ST6GALNAC3: variants seen among roughly 807,000 people sequenced by gnomAD.
ST6GALNAC3 encodes alpha-N-acetylgalactosaminide alpha-2,6-sialyltransferase 3.
ST6GALNAC3 carries 25 observed loss-of-function variants against 32.7 expected under a neutral mutation model. The ratio of observed to expected loss-of-function variants is 0.76; its 90% confidence interval spans 0.56 to 1.07. ST6GALNAC3 has a LOEUF of 1.07. ST6GALNAC3 is among the 50% of genes least tolerant of loss of function. The pLI is 0.00. For synonymous variants in ST6GALNAC3, 129 were observed against 133.1 expected (o/e 0.97, Z 0.21); for missense variants, 355 against 382.4 (o/e 0.93, Z 0.60).
intron 3 of ST6GALNAC3, among the ~76,000 whole-genome samples, chr1:76,439,819 T>C (rs1656416279): frequency 6.6e-6 from 1 of 152,200 alleles, no homozygotes; most frequent in African/African-American, 2.4e-5. Flanking sequence ...GTAGAAAAGA[T>C]GGCAGAATTA....
intron 1 of ST6GALNAC3, among the ~76,000 whole-genome samples, chr1:76,229,663 T>C (rs1478630901): frequency 6.6e-6 from 1 of 152,220 alleles, no homozygotes; most frequent in Non-Finnish European, 1.5e-5. Flanking sequence ...TCATGGTCTC[T>C]GTAGGTAGGT....
At chr1:76,483,972 A>G (rs566378675) in intron 3 of ST6GALNAC3, among the ~76,000 whole-genome samples, 2 of 128,024 alleles carry the variant, frequency 1.6e-5, no homozygotes, top group East Asian at 2.1e-4. Context: ...CATTTATTAA[A>G]TAGGGAATCC....
chr1:76,493,435 G>A (rs950837425), intron 3 of ST6GALNAC3, among the ~76,000 whole-genome samples: 1 of 152,224 alleles, frequency 6.6e-6, no homozygotes, highest in Non-Finnish European at 1.5e-5. Flanking sequence ...TAATACCTTC[G>A]CCTCTAGTCT....
intron 1 of ST6GALNAC3, among the ~76,000 whole-genome samples, chr1:76,250,691 A>G (rs1408168760): frequency 6.6e-6 from 1 of 152,116 alleles, no homozygotes; most frequent in Non-Finnish European, 1.5e-5. Context: ...TTTTCAATTC[A>G]GCACATATTT....
chr1:76,299,509 G>T (rs1660603899), intron 1 of ST6GALNAC3, among the ~76,000 whole-genome samples: 1 of 151,994 alleles, frequency 6.6e-6, no homozygotes, highest in Non-Finnish European at 1.5e-5. Flanking sequence ...TTTAGGGGTT[G>T]TAAAAGTTCA....
chr1:76,276,690 G>A (rs1418986641), intron 1 of ST6GALNAC3, among the ~76,000 whole-genome samples: 1 of 152,034 alleles, frequency 6.6e-6, no homozygotes, highest in East Asian at 1.9e-4. Flanking sequence ...ATATAAGAAT[G>A]GCATTGCCGA....
rs1348391716 is a variant in ST6GALNAC3, at chr1:76,577,109, TTGTGGTA to T, written c.624-50332_624-50326del. On this transcript the variant is annotated intron_variant, in intron 3 of 4. Coordinates refer to ENST00000328299, the MANE Select transcript of ST6GALNAC3 (RefSeq NM_152996.4). ...TACAGTTTTTAAAAAGGAAGGGAAA[TTGTGGTA>T]TGTGGTATGTAAATATTTTTAAATG... 7.3e-6 allele frequency: 8 copies of T among 1,096,164 alleles called. No individual in the cohort carries two copies. In the Admixed American group the frequency reaches 2.1e-4, roughly 29 times the overall value. 67.9% of individuals were successfully genotyped at this position (1,096,164 alleles called of 1,614,324 possible). A position where few individuals can be genotyped will look rare whatever the true frequency, so the allele number is the denominator to read the frequency against.
At chr1:76,219,421 C>A (rs1486684337) in intron 1 of ST6GALNAC3, among the ~76,000 whole-genome samples, 1 of 152,172 alleles carries the variant, frequency 6.6e-6, no homozygotes, top group East Asian at 1.9e-4. Flanking sequence ...GATTCAGTGG[C>A]AAAGGCAGAG....
chr1:76,235,317 G>A (rs1487389704), intron 1 of ST6GALNAC3, among the ~76,000 whole-genome samples: 1 of 151,986 alleles, frequency 6.6e-6, no homozygotes, highest in African/African-American at 2.4e-5. Context: ...TCTAGCCTGG[G>A]CAGTATGGTG....
chr1:76,088,990 G>A (rs1243711871), intron 1 of ST6GALNAC3, among the ~76,000 whole-genome samples: 2 of 152,110 alleles, frequency 1.3e-5, no homozygotes, highest in African/African-American at 4.8e-5. Flanking sequence ...ATTCTGTCAA[G>A]GAGTGTAGAT....
At chr1:76,228,563 C>T (rs1433576088) in intron 1 of ST6GALNAC3, among the ~76,000 whole-genome samples, 1 of 152,154 alleles carries the variant, frequency 6.6e-6, no homozygotes, top group Non-Finnish European at 1.5e-5. Flanking sequence ...TACTCTAGGT[C>T]AAACCACAGC....
At chr1:76,236,547 G>C (rs189071354) in intron 1 of ST6GALNAC3, among the ~76,000 whole-genome samples, 1 of 152,156 alleles carries the variant, frequency 6.6e-6, no homozygotes, top group Non-Finnish European at 1.5e-5. Context: ...TCTAATCCTC[G>C]TAGAAACCTT....
Position 76,509,533 on chromosome 1 carries a change from CCAA to C in ST6GALNAC3, c.623+97118_623+97120del, listed in dbSNP as rs34400659. Among the ~76,000 whole-genome samples, 8,290 of 152,186 alleles carry C rather than the reference CCAA, an allele frequency of 0.054. 299 individuals carry two copies. The highest frequency in any genetic ancestry group is 0.088 in the Middle Eastern group (26 of 294). On this transcript the variant is annotated intron_variant, in intron 3 of 4. Coordinates refer to ENST00000328299, the MANE Select transcript of ST6GALNAC3 (RefSeq NM_152996.4). This position sits in a 1 kb window ranked among gnomAD's most constrained non-coding sequence, Gnocchi z 5.5. ...TGGAATAAACTGGAAATGATTTATA[CCAA>C]CGAGATTTGAGTTAGGGGAATGTGT...
chr1:76,332,836 C>T (rs1488224511), intron 2 of ST6GALNAC3, among the ~76,000 whole-genome samples: 2 of 152,094 alleles, frequency 1.3e-5, no homozygotes, highest in African/African-American at 4.8e-5. Context: ...TTTTCAAGTG[C>T]CAGCTCCTCC....
At chr1:76,222,554 C>T (rs1655833028) in intron 1 of ST6GALNAC3, among the ~76,000 whole-genome samples, 1 of 151,924 alleles carries the variant, frequency 6.6e-6, no homozygotes, top group African/African-American at 2.4e-5. Flanking sequence ...AATTTACAAG[C>T]AATGCTTAAT....
intron 1 of ST6GALNAC3, among the ~76,000 whole-genome samples, chr1:76,286,624 G>T (rs765240576): frequency 1.7e-4 from 26 of 152,208 alleles, no homozygotes; most frequent in African/African-American, 1.9e-4. Context: ...TTTGTGGGTG[G>T]AATGAGGTGC....
At chr1:76,160,690 A>G (rs1427550636) in intron 1 of ST6GALNAC3, among the ~76,000 whole-genome samples, 1 of 152,144 alleles carries the variant, frequency 6.6e-6, no homozygotes, top group African/African-American at 2.4e-5. Context: ...TGCTTCCATC[A>G]CGGAGAAAAT....
chr1:76,126,885 C>G (rs923046213), intron 1 of ST6GALNAC3, among the ~76,000 whole-genome samples: 5 of 152,222 alleles, frequency 3.3e-5, no homozygotes, highest in African/African-American at 9.7e-5. Context: ...ACACCTCCCA[C>G]CAGGGTCGTT....
intron 1 of ST6GALNAC3, among the ~76,000 whole-genome samples, chr1:76,101,963 G>A (rs949192455): frequency 4.6e-5 from 7 of 152,036 alleles, no homozygotes; most frequent in Non-Finnish European, 1.0e-4. Context: ...TCTATTTGTT[G>A]AGTGCAATGT....
Sources: allele counts gnomAD v4.1 joint callset (sites outside exome capture counted in the v4.1 genomes callset), GRCh38; gene constraint gnomAD v4.1.1; non-coding constraint Gnocchi (gnomAD v3.1); transcripts MANE v1.5; gene names NCBI Gene and HGNC (gene_info 2026-07-23, HGNC 2026-07-21).